RADX: variants seen among roughly 807,000 people sequenced by gnomAD.
RADX encodes the protein RPA1 related single stranded DNA binding protein, X-linked.
RADX carries 36 observed loss-of-function variants against 61.6 expected under a neutral mutation model. That is an observed-to-expected ratio of 0.58 (90% CI 0.45 to 0.77). The LOEUF (loss-of-function observed/expected upper bound fraction) is 0.77, where lower values mean the gene tolerates loss of function less well. Ranked by LOEUF, RADX falls within the 30% of genes least tolerant of loss-of-function variation. The pLI is 0.00. For missense variants in RADX, 497 were observed against 651.1 expected (o/e 0.76, Z 2.58); for synonymous variants, 272 against 237.9 (o/e 1.14, Z -1.32).
chrX:106,660,131 C>G (rs946105281), intron 11 of RADX, among the ~76,000 whole-genome samples: 11 of 111,654 alleles, frequency 9.9e-5, no homozygotes, highest in African/African-American at 3.6e-4. Context: ...CTAGAAGATA[C>G]AAAAGATGAA....
At position 106,634,592 on chromosome X, in the gene RADX, G is replaced by A. The variant is rs368872614; in HGVS notation, c.1303+1340G>A. On this transcript the variant is annotated intron_variant, in intron 6 of 13. Transcript: ENST00000372548. ...CTTTGTTAGATTCTACCCTAGGCTT[G>A]TGAGATTAAATTTTAAAAATATATC... Among the ~76,000 whole-genome samples the A allele has an allele frequency of 2.2e-4, 24 of 111,431 alleles. No homozygotes were observed. The East Asian group carries it at 3.1e-3, about 14-fold the overall frequency.
rs748450059 is a variant in RADX at position 106,640,950 on chromosome X, GA to G, written c.1904+231del. On this transcript the variant is annotated intron_variant, in intron 10 of 13. Transcript: ENST00000372548. Reference sequence around the variant, plus strand: ...TTGGTTCCCTCAGGGCTGCGAGAGAGAATCTGTTCAATGCCTCTCTCCTAGC... The same window carrying G: ...TTGGTTCCCTCAGGGCTGCGAGAGAGATCTGTTCAATGCCTCTCTCCTAGC... 2.3e-3 allele frequency among the ~76,000 whole-genome samples: 251 copies of G among 110,869 alleles called. 3 individuals carry two copies. The highest frequency in any genetic ancestry group is 8.0e-3 in the African/African-American group (244 of 30,508).
At chrX:106,661,196 A>G (rs1375936985) in intron 11 of RADX, among the ~76,000 whole-genome samples, 2 of 111,037 alleles carry the variant, frequency 1.8e-5, no homozygotes, top group African/African-American at 6.5e-5. Context: ...TAGAAACTTA[A>G]TGTGTTAGAT....
intron 1 of RADX, among the ~76,000 whole-genome samples, chrX:106,615,251 G>A (rs1244872706): frequency 8.9e-6 from 1 of 112,077 alleles, no homozygotes; most frequent in Non-Finnish European, 1.9e-5. Flanking sequence ...TTTTGCCATT[G>A]TATATGGAAA....
intron 11 of RADX, among the ~76,000 whole-genome samples, chrX:106,654,592 T>C (rs902526036): frequency 6.6e-4 from 73 of 111,312 alleles, no homozygotes; most frequent in African/African-American, 2.2e-3. Context: ...TTACACCTTA[T>C]ACAAAAATTA....
intron 11 of RADX, among the ~76,000 whole-genome samples, chrX:106,650,335 G>C (rs938950407): frequency 5.4e-5 from 6 of 110,648 alleles, no homozygotes; most frequent in African/African-American, 2.0e-4. Context: ...AAGACCCTAA[G>C]GTCTAGACAA....
intron 11 of RADX, among the ~76,000 whole-genome samples, chrX:106,660,215 G>A (rs904491032): frequency 7.2e-5 from 8 of 111,216 alleles, no homozygotes; most frequent in Non-Finnish European, 1.1e-4. Flanking sequence ...TGATCTTTTC[G>A]TGTGTGACTA....
rs139787193 is a variant in RADX at position 106,662,161 on chromosome X, A to G, written c.2125A>G (p.Lys709Glu). Residue 709 changes from lysine (K) to glutamate (E), a missense_variant, in exon 12 of 14, where the codon AAA (lysine) becomes GAA (glutamate). This residue lies in a region of RADX where 267 missense variants were observed against 306.9 expected (regional missense o/e 0.87). Transcript: ENST00000372548. ...TGTTTATCCTGAAAGTATTCCACGGAAATTTATGTTTGAACACAGAAAGTT... is the reference window on the plus strand; with the variant it reads ...TGTTTATCCTGAAAGTATTCCACGGGAATTTATGTTTGAACACAGAAAGTT... The part of the protein sequence containing the change: ...SRVYPESIPR[K>E]FMFEHRKFLS... 9.0e-5 allele frequency: 109 copies of G among 1,208,957 alleles called. No homozygotes were observed. Among genetic ancestry groups the G allele is most frequent in the Admixed American group, 1.5e-4 (7 of 45,503 alleles).
chrX:106,663,207 C>G (rs1350792792), intron 12 of RADX, among the ~76,000 whole-genome samples: 1 of 111,811 alleles, frequency 8.9e-6, no homozygotes, highest in East Asian at 2.8e-4. Flanking sequence ...CTAACATTTG[C>G]AGTCCTTGGA....
chrX:106,622,317 A>C (rs1438823426), intron 1 of RADX, among the ~76,000 whole-genome samples: 2 of 110,324 alleles, frequency 1.8e-5, no homozygotes, highest in Non-Finnish European at 3.8e-5. Context: ...TTTTCACAAA[A>C]TATCTTAAGG....
At position 106,632,707 on chromosome X, in the gene RADX, A is replaced by C. The variant is rs1417033091; in HGVS notation, c.1062A>C (p.Pro354=). ...AGGTGAAACCAGAATGGAGACTGCC[A>C]AAGCTAAATCACCGATTTACCACAA... The part of the protein sequence containing the change: ...EKQVKPEWRL[P]KLNHRFTTRS... Residue 354 remains proline (P), a synonymous_variant, in exon 4 of 14, where the codon CCA becomes CCC. Transcript: ENST00000372548. The C allele has an allele frequency of 4.2e-6, 5 of 1,180,998 alleles. No homozygotes were observed. Among genetic ancestry groups the C allele is most frequent in the Admixed American group, 2.2e-5 (1 of 45,292 alleles).
At chrX:106,668,270 TTAA>T (rs751474916) in intron 12 of RADX, among the ~76,000 whole-genome samples, 56 of 111,972 alleles carry the variant, frequency 5.0e-4, no homozygotes, top group Non-Finnish European at 9.6e-4. Context: ...CAGAGAGATA[TTAA>T]GGTCATAGAA....
intron 10 of RADX, among the ~76,000 whole-genome samples, chrX:106,643,615 C>T (rs745950006): frequency 1.8e-5 from 2 of 111,284 alleles, no homozygotes; most frequent in South Asian, 7.6e-4. Context: ...GTTCTTGGCA[C>T]CTTTGTTAAA....
chrX:106,647,407 G>T (rs747439286), intron 10 of RADX, among the ~76,000 whole-genome samples: 4 of 110,742 alleles, frequency 3.6e-5, no homozygotes, highest in Non-Finnish European at 7.6e-5. Context: ...GGACTCTTAG[G>T]TTGCTTCCAA....
At chrX:106,622,941 A>G (rs191646976) in intron 2 of RADX, 148 bp downstream of exon 2, 1 of 359,245 alleles carries the variant, frequency 2.8e-6, no homozygotes. Context: ...TGTATATTAT[A>G]AAGTATTTTT....
In RADX at chrX:106,662,040, G is replaced by T. The variant is rs1928112007; in HGVS notation, c.2004G>T (p.Leu668=). 2 of 1,207,974 alleles carry T rather than the reference G, an allele frequency of 1.7e-6. No individual in the cohort carries two copies. The highest frequency in any genetic ancestry group is 1.8e-5 in the South Asian group (1 of 56,688). The change falls in exon 12 of 14, where the codon CTG becomes CTT. Residue 668 remains leucine, a synonymous_variant. Coordinates refer to ENST00000372548, the MANE Select transcript of RADX (RefSeq NM_018015.6). ...FNRRANINAN[L]QGKARKTISD... ...GTCGAGCAAATATAAATGCTAATCTGCAAGGGAAAGCCAGAAAAACTATAA... is the reference window on the plus strand; with the variant it reads ...GTCGAGCAAATATAAATGCTAATCTTCAAGGGAAAGCCAGAAAAACTATAA...
At chrX:106,673,679 TC>T (rs1331044844) in intron 13 of RADX, among the ~76,000 whole-genome samples, 6 of 85,188 alleles carry the variant, frequency 7.0e-5, no homozygotes, top group Non-Finnish European at 1.1e-4. Flanking sequence ...CTCCCCCCCA[TC>T]CCCCCCCACA....
At chrX:106,641,802 T>A (rs1354074311) in intron 10 of RADX, among the ~76,000 whole-genome samples, 1 of 111,329 alleles carries the variant, frequency 9.0e-6, no homozygotes, top group East Asian at 2.8e-4. Flanking sequence ...GTAGTCTCAC[T>A]CCCAAGGTCA....
In RADX at chrX:106,662,230, C is replaced by T; in HGVS notation, c.2194C>T (p.Pro732Ser). 8.3e-7 allele frequency: 1 copy of T among 1,210,782 alleles called. No homozygotes were observed. Among genetic ancestry groups the T allele is most frequent in the Non-Finnish European group, 1.1e-6 (1 of 894,870 alleles). The change falls in exon 12 of 14, where the codon CCA becomes TCA. Residue 732 changes from proline to serine, a missense_variant. Around this residue, in one of 3 missense-constraint regions of RADX, gnomAD observed 267 missense variants for 306.9 expected, o/e 0.87. Coordinates refer to ENST00000372548, the MANE Select transcript of RADX (RefSeq NM_018015.6). ...YNSQPAKYVP[P>S]EGRPPKLDDF... ...TTCTCAGCCTGCGAAATATGTACCA[C>T]CAGAAGGAAGGCCCCCAAAACTTGA...
Sources: allele counts gnomAD v4.1 joint callset (sites outside exome capture counted in the v4.1 genomes callset), GRCh38; gene constraint gnomAD v4.1.1; regional missense constraint gnomAD v4.1.1; transcripts MANE v1.5; gene names NCBI Gene and HGNC (gene_info 2026-07-23, HGNC 2026-07-21).